Variants in RPS6KC1 observed in about 807,000 individuals in gnomAD.
The protein encoded by RPS6KC1 is ribosomal protein S6 kinase C1.
A neutral mutation model predicts 103.8 loss-of-function variants in RPS6KC1; 54 were observed. That is an observed-to-expected ratio of 0.52 (90% CI 0.42 to 0.65). The LOEUF is 0.65. Among genes scored for constraint, RPS6KC1 ranks in the 30% least tolerant of loss-of-function variants. RPS6KC1 has a pLI of 0.00. For missense variants in RPS6KC1, 1,151 were observed against 1,253.8 expected (o/e 0.92, Z 1.24); for synonymous variants, 439 against 438.7 (o/e 1.00, Z -0.01).
chr1:213,456,457 C>T, the RPS6KC1 span, among the ~76,000 whole-genome samples: 1 of 152,204 alleles, frequency 6.6e-6, no homozygotes, highest in Admixed American at 6.5e-5. Flanking sequence ...TGATGTCTGT[C>T]CTGAACGTAT....
the RPS6KC1 span, among the ~76,000 whole-genome samples, chr1:213,378,737 GAGA>G: frequency 6.6e-6 from 1 of 152,208 alleles, no homozygotes; most frequent in Admixed American, 6.5e-5. Context: ...CTTTAGAGCT[GAGA>G]AGAAGTGAAG....
chr1:213,298,348 A>ATTCTAT, the RPS6KC1 span, among the ~76,000 whole-genome samples: 1 of 152,008 alleles, frequency 6.6e-6, no homozygotes. Context: ...ATTATCTTGG[A>ATTCTAT]TTCTATTTCT....
At chr1:213,821,140 A>T in the RPS6KC1 span, 1 of 152,332 alleles carries the variant, frequency 6.6e-6, no homozygotes, top group Non-Finnish European at 1.5e-5. Flanking sequence ...TCCTGCCTTC[A>T]TCTTCTATCT....
the RPS6KC1 span, among the ~76,000 whole-genome samples, chr1:213,724,744 T>C: frequency 1.3e-5 from 2 of 152,044 alleles, no homozygotes; most frequent in Non-Finnish European, 2.9e-5. Context: ...TCTAAAAAAA[T>C]AATAATAAAC....
At chr1:213,839,261 T>G in the RPS6KC1 span, among the ~76,000 whole-genome samples, 2 of 152,200 alleles carry the variant, frequency 1.3e-5, no homozygotes, top group East Asian at 3.9e-4. Flanking sequence ...GAGAAGGAGA[T>G]GCACAGAGGT....
chr1:213,576,606 G>T, the RPS6KC1 span, among the ~76,000 whole-genome samples: 1 of 152,054 alleles, frequency 6.6e-6, no homozygotes, highest in Admixed American at 6.5e-5. Flanking sequence ...AATAAATGTT[G>T]TTTGTGTTCT....
At chr1:213,292,854 G>C in the RPS6KC1 span, among the ~76,000 whole-genome samples, 1 of 152,134 alleles carries the variant, frequency 6.6e-6, no homozygotes, top group Admixed American at 6.5e-5. Flanking sequence ...GCCAATGAGG[G>C]CTCCCCCACA....
chr1:213,120,740 T>C (rs2084286440), intron 5 of RPS6KC1, among the ~76,000 whole-genome samples: 1 of 152,130 alleles, frequency 6.6e-6, no homozygotes, highest in African/African-American at 2.4e-5. Flanking sequence ...AGCTAGCTGG[T>C]GGAGTGAGGC....
the RPS6KC1 span, among the ~76,000 whole-genome samples, chr1:213,633,162 G>A: frequency 3.9e-5 from 6 of 152,168 alleles, no homozygotes; most frequent in Non-Finnish European, 8.8e-5. Context: ...AACCTAGGAA[G>A]GCAGGCCAAC....
At chr1:213,422,749 G>A in the RPS6KC1 span, among the ~76,000 whole-genome samples, 1 of 152,194 alleles carries the variant, frequency 6.6e-6, no homozygotes. Flanking sequence ...AAGGAGAAGG[G>A]AGTGGTCAGA....
the RPS6KC1 span, among the ~76,000 whole-genome samples, chr1:213,433,589 C>T: frequency 2.0e-5 from 3 of 152,148 alleles, no homozygotes; most frequent in South Asian, 6.2e-4. Context: ...TTTACGTTGC[C>T]ATTATCAATT....
chr1:213,202,524 A>C (rs1326339483), intron 8 of RPS6KC1, among the ~76,000 whole-genome samples: 4 of 152,092 alleles, frequency 2.6e-5, no homozygotes. Context: ...GAGGCAGGAG[A>C]ATCACTTGAA....
At chr1:213,286,385 CAGAAACTATCAA>C in the RPS6KC1 span, among the ~76,000 whole-genome samples, 1 of 152,184 alleles carries the variant, frequency 6.6e-6, no homozygotes, top group African/African-American at 2.4e-5. Flanking sequence ...TAAGATAACA[CAGAAACTATCAA>C]AGATTTTTGG....
rs549789234 is a variant in RPS6KC1 at position 213,212,236 on chromosome 1, A to G, written c.1045-18261A>G. Among the ~76,000 whole-genome samples, 11 of 152,090 alleles carry G rather than the reference A, an allele frequency of 7.2e-5. 1 individual carries two copies. In the South Asian group the frequency reaches 2.1e-3, roughly 29 times the overall value. On this transcript the variant is annotated intron_variant, in intron 8 of 14. Coordinates refer to ENST00000366960, the MANE Select transcript of RPS6KC1 (RefSeq NM_012424.6). Reference sequence around the variant, plus strand: ...AAAAATCTCTGTGCTCTGCCTGTTCATTCCCTGCCAACATGTGGTAACCAC... The same window carrying G: ...AAAAATCTCTGTGCTCTGCCTGTTCGTTCCCTGCCAACATGTGGTAACCAC...
the RPS6KC1 span, among the ~76,000 whole-genome samples, chr1:213,294,730 A>G: frequency 6.6e-6 from 1 of 152,214 alleles, no homozygotes; most frequent in South Asian, 2.1e-4. Flanking sequence ...CAATTTGTTC[A>G]TCTTCTTGAC....
At chr1:213,671,950 A>G in the RPS6KC1 span, among the ~76,000 whole-genome samples, 1 of 128,640 alleles carries the variant, frequency 7.8e-6, no homozygotes, top group Non-Finnish European at 1.8e-5. Context: ...TTAAAAATAA[A>G]GCTAAAAAAA....
the RPS6KC1 span, among the ~76,000 whole-genome samples, chr1:213,845,078 T>C: frequency 7.5e-6 from 1 of 133,158 alleles, no homozygotes; most frequent in African/African-American, 2.9e-5. Flanking sequence ...ACAAGGAAAA[T>C]TACATGGGTG....
rs55834215 is a variant in RPS6KC1, at chr1:213,195,058, G to C, written c.1044+18566G>C. On this transcript the variant is annotated intron_variant, in intron 8 of 14. Coordinates refer to ENST00000366960, the MANE Select transcript of RPS6KC1 (RefSeq NM_012424.6). ...GTTAGGGGGTGATTTGCAAGGGATAGCAGCAGGGAGAGGTTTGTGGTGATG... is the reference window on the plus strand; with the variant it reads ...GTTAGGGGGTGATTTGCAAGGGATACCAGCAGGGAGAGGTTTGTGGTGATG... 3.0e-3 allele frequency among the ~76,000 whole-genome samples: 460 copies of C among 152,308 alleles called. 2 individuals are homozygous for C. Among genetic ancestry groups the C allele is most frequent in the Middle Eastern group, 0.02 (6 of 294 alleles).
the RPS6KC1 span, among the ~76,000 whole-genome samples, chr1:213,765,977 C>T: frequency 0.54 from 82,682 of 152,026 alleles, 24,089 homozygotes; most frequent in East Asian, 0.83. Context: ...GGATTGATGG[C>T]TTTGTTTTGT....
Sources: gnomAD v4.1 joint callset for allele counts (sites outside exome capture counted in the v4.1 genomes callset) on GRCh38, gnomAD v4.1.1 for gene constraint, MANE v1.5 for transcripts, NCBI Gene and HGNC (gene_info 2026-07-23, HGNC 2026-07-21) for gene names.